Variants in BRCA1 observed in about 807,000 individuals in gnomAD.
BRCA1 encodes breast cancer type 1 susceptibility protein.
In BRCA1, 140 loss-of-function variants were observed where a neutral mutation model predicts 173.7. That is an observed-to-expected ratio of 0.81 (90% confidence interval 0.70 to 0.93). The LOEUF is 0.93. Ranked by LOEUF, BRCA1 falls within the 40% of genes least tolerant of loss-of-function variation. The probability of loss-of-function intolerance (pLI) is 0.00; values close to 1 mark genes in which losing one functional copy is unlikely to be tolerated. For synonymous variants in BRCA1, 662 were observed against 756.0 expected, an observed-to-expected ratio of 0.88 and a Z score of 2.04; for missense variants, 1,983 against 2,172.5, an observed-to-expected ratio of 0.91 and a Z score of 1.73.
At chr17:43,163,455 A>C (rs1251991366) in intron 1 of BRCA1, 1 of 152,244 alleles carries the variant, frequency 6.6e-6, no homozygotes, top group Non-Finnish European at 1.5e-5. Context: ...TCACCCACTA[A>C]AATATTGACT....
chr17:43,090,959 G>A lies in BRCA1; in HGVS notation c.4170C>T (p.Asp1390=), dbSNP rs1231201665. 4.3e-6 allele frequency: 7 copies of A among 1,611,038 alleles called. No homozygotes were observed. The highest frequency in any genetic ancestry group is 8.5e-7 in the Non-Finnish European group (1 of 1,178,716). The change falls in exon 11 of 23, where the codon GAC becomes GAT. Residue 1390 remains aspartate, a synonymous_variant. Transcript: ENST00000357654. ...EDCSGLSSQS[D]ILTTQQRDTM... ...CGCTTTTTACCTGAGTGGTTAAAAT[G>A]TCACTCTGAGAGGATAGCCCTGAGC...
intron 7 of BRCA1, among the ~76,000 whole-genome samples, chr17:43,098,899 C>A (rs1321220888): frequency 2.7e-5 from 4 of 149,954 alleles, no homozygotes; most frequent in Non-Finnish European, 5.9e-5. Context: ...CTCACTGCAA[C>A]CTCTGCTTCC....
chr17:43,086,178 C>T (rs1031535048), intron 11 of BRCA1, among the ~76,000 whole-genome samples: 1 of 150,698 alleles, frequency 6.6e-6, no homozygotes, highest in East Asian at 1.9e-4. Context: ...CATCTCCTAT[C>T]GGGAACAGAT....
At chr17:43,150,976 A>C (rs2154581605) in intron 1 of BRCA1, among the ~76,000 whole-genome samples, 1 of 152,268 alleles carries the variant, frequency 6.6e-6, no homozygotes, top group South Asian at 2.1e-4. Context: ...AAGGCTTGGC[A>C]AAGGGTGGCT....
rs431825388 is a variant in BRCA1, at chr17:43,093,450, C to T, written c.2081G>A (p.Ser694Asn). The T allele has an allele frequency of 3.1e-6, 5 of 1,614,038 alleles. No individual in the cohort carries two copies. Among genetic ancestry groups the T allele is most frequent in the Non-Finnish European group, 4.2e-6 (5 of 1,179,954 alleles). The change falls in exon 10 of 23, where the codon AGC becomes AAC. Residue 694 changes from serine (S) to asparagine (N), a missense_variant. Physicochemically the swap from Ser to Asn is conservative, Grantham distance 46 (BLOSUM62 1). Coordinates refer to ENST00000357654, the MANE Select transcript of BRCA1 (RefSeq NM_007294.4). ...TAACTTCAGCTCTGGGAAAGTATCG[C>T]TGTCATGTCTTTTACTTGTCTGTTC... ...PNEQTSKRHD[S>N]DTFPELKLTN...
At chr17:43,147,240 A>T (rs1017884510) in intron 1 of BRCA1, among the ~76,000 whole-genome samples, 1 of 151,782 alleles carries the variant, frequency 6.6e-6, no homozygotes, top group Non-Finnish European at 1.5e-5. Context: ...CCCAGGCTGG[A>T]GTGCAGTGGC....
chr17:43,100,683 ATATATATATAT>A (rs2054423108), intron 6 of BRCA1, among the ~76,000 whole-genome samples: 1 of 72,268 alleles, frequency 1.4e-5, no homozygotes, highest in Non-Finnish European at 2.1e-5. Context: ...TATATAATAT[ATATATATATAT>A]ATATATATGT....
chr17:43,069,876 A>G (rs1340667360), intron 15 of BRCA1, among the ~76,000 whole-genome samples: 1 of 152,206 alleles, frequency 6.6e-6, no homozygotes, highest in Non-Finnish European at 1.5e-5. Flanking sequence ...CCACTACTGA[A>G]TCCATTTGAT....
At chr17:43,112,976 T>C (rs1208006802) in intron 3 of BRCA1, among the ~76,000 whole-genome samples, 1 of 152,172 alleles carries the variant, frequency 6.6e-6, no homozygotes, top group Non-Finnish European at 1.5e-5. Flanking sequence ...TCTAATTTTG[T>C]ATTTTTAGTA....
At chr17:43,115,165 C>T (rs771979902) in intron 3 of BRCA1, among the ~76,000 whole-genome samples, 1 of 152,042 alleles carries the variant, frequency 6.6e-6, no homozygotes, top group Non-Finnish European at 1.5e-5. Flanking sequence ...CTGATGGACA[C>T]AAAAAATACA....
chr17:43,091,182 T>A, intron 10 of BRCA1, 150 bp from the exon 11 acceptor site: 3 of 933,580 alleles, frequency 3.2e-6, no homozygotes, highest in Non-Finnish European at 5.0e-6. Flanking sequence ...CTGGATTTGC[T>A]TTTATAAAAT....
intron 9 of BRCA1, 85 bp downstream of exon 9, chr17:43,095,761 A>G (rs563014819): frequency 2.6e-6 from 3 of 1,139,818 alleles, no homozygotes; most frequent in East Asian, 2.5e-5. Flanking sequence ...AAGGTCCCAA[A>G]TGGTCTTCAG....
intron 3 of BRCA1, among the ~76,000 whole-genome samples, chr17:43,107,997 A>G (rs1270845770): frequency 6.6e-6 from 1 of 152,158 alleles, no homozygotes; most frequent in Non-Finnish European, 1.5e-5. Flanking sequence ...GGGAGTAAAT[A>G]GCAGACACTG....
chr17:43,149,820 G>T (rs901590535), intron 1 of BRCA1, among the ~76,000 whole-genome samples: 28 of 151,970 alleles, frequency 1.8e-4, no homozygotes, highest in African/African-American at 6.8e-4. Context: ...ACGGAGTCTT[G>T]CTCTGTCGCA....
intron 21 of BRCA1, among the ~76,000 whole-genome samples, chr17:43,048,174 G>A (rs2051017320): frequency 6.6e-6 from 1 of 152,086 alleles, no homozygotes; most frequent in African/African-American, 2.4e-5. Flanking sequence ...GATTACAGGG[G>A]TGGGGCACTG....
intron 15 of BRCA1, among the ~76,000 whole-genome samples, chr17:43,067,905 A>AAAG (rs1335697765): frequency 2.0e-3 from 295 of 150,230 alleles, no homozygotes; most frequent in Non-Finnish European, 3.8e-3. Context: ...AAAAAAAAAA[A>AAAG]AAAAAAATAG....
chr17:43,090,597 A>C lies in BRCA1; in HGVS notation c.4185+347T>G, dbSNP rs570980705. Among the ~76,000 whole-genome samples, 6 of 152,222 alleles carry C rather than the reference A, an allele frequency of 3.9e-5. No homozygotes were observed. In the South Asian group the frequency reaches 1.2e-3, roughly 32 times the overall value. ...ACCATGTTGGCCAGGCTGGTCTCAA[A>C]CTTCTGACCTGAGGTGATCCACCCA... On this transcript the variant is annotated intron_variant, in intron 11 of 22. Coordinates refer to ENST00000357654, the MANE Select transcript of BRCA1 (RefSeq NM_007294.4).
intron 18 of BRCA1, 112 bp from the exon 19 acceptor site, chr17:43,057,247 C>T: frequency 1.0e-6 from 1 of 976,172 alleles, no homozygotes; most frequent in Non-Finnish European, 1.6e-6. Context: ...CAGTGGCTCA[C>T]CCCTGTAATC....
chr17:43,094,591 C>T lies in BRCA1; in HGVS notation c.940G>A (p.Ala314Thr), dbSNP rs1597879004. The T allele has an allele frequency of 6.2e-7, 1 of 1,614,148 alleles. No individual in the cohort carries two copies. Among genetic ancestry groups the T allele is most frequent in the South Asian group, 1.1e-5 (1 of 91,080 alleles). Residue 314 changes from alanine to threonine, a missense_variant, in exon 10 of 23, where the codon GCA becomes ACA. Physicochemically the swap from Ala to Thr is moderately conservative, Grantham distance 58. Coordinates refer to ENST00000357654, the MANE Select transcript of BRCA1 (RefSeq NM_007294.4). ...FCNKSKQPGL[A>T]RSQHNRWAGS... The stretch of plus-strand genomic sequence containing the variant: ...GCCCATCTGTTATGTTGGCTCCTTG[C>T]TAAGCCAGGCTGTTTGCTTTTATTA...
Sources: allele counts gnomAD v4.1 joint callset (sites outside exome capture counted in the v4.1 genomes callset), GRCh38; gene constraint gnomAD v4.1.1; transcripts MANE v1.5; gene names NCBI Gene and HGNC (gene_info 2026-07-23, HGNC 2026-07-21).